ZNF469: variants seen among roughly 807,000 people sequenced by gnomAD.
The protein encoded by ZNF469 is zinc finger protein 469.
Under a neutral mutation model 1.0 loss-of-function variants are expected in ZNF469, and 1 was observed. That is an observed-to-expected ratio of 1.00 (90% CI 0.35 to 4.73). The LOEUF is 4.73. Among genes scored for constraint, ZNF469 ranks in the 30% most tolerant of loss-of-function variants. The pLI is 0.16. For missense variants in ZNF469, 6,100 were observed against 5,356.3 expected (o/e 1.14, Z -4.33); for synonymous variants, 2,703 against 2,363.4 (o/e 1.14, Z -4.17).
the ZNF469 span, among the ~76,000 whole-genome samples, chr16:88,197,735 C>T: frequency 6.6e-6 from 1 of 152,214 alleles, no homozygotes; most frequent in Admixed American, 6.5e-5. Flanking sequence ...CAGGCCCCCC[C>T]AGGGCCGGAA....
rs771322819 is a variant in ZNF469, at chr16:88,436,888, G to A, written c.9418G>A (p.Ala3140Thr). The change falls in exon 3 of 3, where the codon GCG (alanine) becomes ACG (threonine). Residue 3140 changes from alanine (A) to threonine (T), a missense_variant. Physicochemically the swap from Ala to Thr is moderately conservative, Grantham distance 58. Transcript: ENST00000565624. ...CCTGCACAAGCTGGCCCACACGCCC[G>A]CGCCGCCGCCCACCTGCTACATGTG... ...LDLHKLAHTP[A>T]PPPTCYMCVE... The A allele has an allele frequency of 6.6e-7, 1 of 1,505,652 alleles. No homozygotes were observed. The highest frequency in any genetic ancestry group is 1.3e-5 in the South Asian group (1 of 79,780). 93.3% of individuals were successfully genotyped at this position (1,505,652 alleles called of 1,614,324 possible). A position where few individuals can be genotyped will look rare whatever the true frequency, so the allele number is the denominator to read the frequency against.
rs1220242791 is a variant in ZNF469 at position 88,434,713 on chromosome 16, G to A, written c.7243G>A (p.Ala2415Thr). The A allele has an allele frequency of 6.5e-7, 1 of 1,550,282 alleles. No individual in the cohort carries two copies. The highest frequency in any genetic ancestry group is 1.2e-5 in the South Asian group (1 of 84,054). ...LGRTTAPSSTASDFQSDSPQS... is the reference protein window; with the variant it reads ...LGRTTAPSSTTSDFQSDSPQS... ...AAGAACCACAGCCCCAAGCAGCACA[G>A]CCAGTGACTTCCAGTCTGACTCCCC... is the stretch of plus-strand genomic sequence containing the variant. The change falls in exon 3 of 3, where the codon GCC (alanine) becomes ACC (threonine). Residue 2415 changes from alanine to threonine, a missense_variant. Transcript: ENST00000565624.
chr16:88,341,466 AC>A, the ZNF469 span, among the ~76,000 whole-genome samples: 3 of 152,008 alleles, frequency 2.0e-5, no homozygotes, highest in Non-Finnish European at 1.5e-5. Context: ...ATTCTGGGCC[AC>A]CCTCCAGGTT....
At chr16:88,220,204 TC>T in the ZNF469 span, among the ~76,000 whole-genome samples, 1 of 152,196 alleles carries the variant, frequency 6.6e-6, no homozygotes, top group Non-Finnish European at 1.5e-5. Flanking sequence ...CTGGCCTCAT[TC>T]CCACCTAGAA....
chr16:88,315,241 G>T, the ZNF469 span, among the ~76,000 whole-genome samples: 1 of 152,236 alleles, frequency 6.6e-6, no homozygotes, highest in Non-Finnish European at 1.5e-5. Context: ...GGGCGCACGA[G>T]ATCTGTGTGG....
At chr16:88,120,618 G>T in the ZNF469 span, among the ~76,000 whole-genome samples, 92 of 152,326 alleles carry the variant, frequency 6.0e-4, no homozygotes, top group African/African-American at 2.2e-3. Context: ...GAGCCGCCCT[G>T]TCCACGGAGC....
upstream of ZNF469, among the ~76,000 whole-genome samples, chr16:88,378,238 G>T (rs1187540987): frequency 6.6e-6 from 1 of 152,176 alleles, no homozygotes; most frequent in Non-Finnish European, 1.5e-5. Context: ...ACACACGGCG[G>T]GCAGGGAGCA....
At chr16:88,273,564 T>C in the ZNF469 span, among the ~76,000 whole-genome samples, 4 of 152,190 alleles carry the variant, frequency 2.6e-5, no homozygotes, top group African/African-American at 9.7e-5. Context: ...GGAATGTAAA[T>C]GGCACCGCAT....
At chr16:88,353,523 T>C in the ZNF469 span, among the ~76,000 whole-genome samples, 1 of 152,044 alleles carries the variant, frequency 6.6e-6, no homozygotes, top group Non-Finnish European at 1.5e-5. Flanking sequence ...CACAACGCCC[T>C]CCGCCAGCCT....
chr16:88,167,342 G>A, the ZNF469 span, among the ~76,000 whole-genome samples: 29 of 152,266 alleles, frequency 1.9e-4, no homozygotes, highest in African/African-American at 6.5e-4. Flanking sequence ...GATTACAGGC[G>A]TGAGCCACCA....
chr16:88,377,301 G>C, the ZNF469 span, among the ~76,000 whole-genome samples: 1 of 152,242 alleles, frequency 6.6e-6, no homozygotes, highest in South Asian at 2.1e-4. Context: ...GGGCAAGGTG[G>C]ATCCTGCATG....
chr16:88,246,012 G>A, the ZNF469 span, among the ~76,000 whole-genome samples: 5 of 152,398 alleles, frequency 3.3e-5, no homozygotes, highest in East Asian at 1.9e-4. Flanking sequence ...CCGCCTGGGC[G>A]CCATGCAAAG....
chr16:88,390,728 C>T (rs914511786), intron 1 of ZNF469, among the ~76,000 whole-genome samples: 30 of 152,280 alleles, frequency 2.0e-4, no homozygotes, highest in African/African-American at 7.0e-4. Context: ...TGTGAGGATC[C>T]TATAGTGGCT....
the ZNF469 span, among the ~76,000 whole-genome samples, chr16:88,361,163 CA>C: frequency 2.0e-5 from 3 of 152,150 alleles, no homozygotes; most frequent in Non-Finnish European, 2.9e-5. Context: ...CTCACATGCG[CA>C]GTTCACAATA....
the ZNF469 span, among the ~76,000 whole-genome samples, chr16:88,328,373 G>A: frequency 6.6e-6 from 1 of 152,224 alleles, no homozygotes. Flanking sequence ...CTGTGTGATG[G>A]GAATGATAGC....
At chr16:88,281,421 G>A in the ZNF469 span, among the ~76,000 whole-genome samples, 1 of 150,156 alleles carries the variant, frequency 6.7e-6, no homozygotes, top group Admixed American at 6.6e-5. Context: ...ACTGACGCTT[G>A]GTCAGTACCA....
intron 1 of ZNF469, among the ~76,000 whole-genome samples, chr16:88,403,717 A>G (rs189332706): frequency 7.2e-5 from 11 of 152,340 alleles, no homozygotes; most frequent in African/African-American, 2.6e-4. Flanking sequence ...TTACAAACTT[A>G]TAACTTGAAT....
At chr16:88,184,458 G>A in the ZNF469 span, among the ~76,000 whole-genome samples, 1 of 151,794 alleles carries the variant, frequency 6.6e-6, no homozygotes, top group Non-Finnish European at 1.5e-5. Context: ...ATTTTTCTTG[G>A]CCACATCGTC....
At chr16:88,340,714 A>G in the ZNF469 span, among the ~76,000 whole-genome samples, 1 of 150,004 alleles carries the variant, frequency 6.7e-6, no homozygotes, top group Non-Finnish European at 1.5e-5. Context: ...TCCCGCTGGA[A>G]CAGAATCCGC....
Sources: allele counts gnomAD v4.1 joint callset (sites outside exome capture counted in the v4.1 genomes callset), GRCh38; gene constraint gnomAD v4.1.1; transcripts MANE v1.5; gene names NCBI Gene and HGNC (gene_info 2026-07-23, HGNC 2026-07-21).